CNN3: variants seen among roughly 807,000 people sequenced by gnomAD.
The protein encoded by CNN3 is calponin 3.
A neutral mutation model predicts 39.0 loss-of-function variants in CNN3; 11 were observed. The ratio of observed to expected loss-of-function variants is 0.28; its 90% CI spans 0.18 to 0.47. The LOEUF is 0.47. CNN3 is among the 20% of genes least tolerant of loss of function. CNN3 has a pLI of 0.99. For synonymous variants in CNN3, 101 were observed against 138.3 expected, an observed-to-expected ratio of 0.73 and a Z score of 1.89; for missense variants, 266 against 403.4, an observed-to-expected ratio of 0.66 and a Z score of 2.92.
chr1:94,917,115 C>T (rs12132647), intron 1 of CNN3, among the ~76,000 whole-genome samples: 11,402 of 152,272 alleles, frequency 0.075, 516 homozygotes, highest in Middle Eastern at 0.099. Context: ...TGGCTCACCG[C>T]AGCCTCTGCC....
intron 1 of CNN3, among the ~76,000 whole-genome samples, chr1:94,907,626 C>T (rs1671037974): frequency 6.6e-6 from 1 of 152,150 alleles, no homozygotes; most frequent in Non-Finnish European, 1.5e-5. Flanking sequence ...TCTGGGAGGC[C>T]AAGGTGGGCA....
chr1:94,925,730 G>A (rs1557918429), intron 1 of CNN3: 5 of 985,316 alleles, frequency 5.1e-6, no homozygotes, highest in Middle Eastern at 5.2e-4. Flanking sequence ...CGGACGGTGC[G>A]GTGGCAATCC....
At chr1:94,916,496 T>G (rs1671282450) in intron 1 of CNN3, among the ~76,000 whole-genome samples, 1 of 152,138 alleles carries the variant, frequency 6.6e-6, no homozygotes. Flanking sequence ...CTGTCTCCAG[T>G]CATCCTCTGG....
At chr1:94,907,024 A>T (rs933880880) in intron 1 of CNN3, among the ~76,000 whole-genome samples, 2 of 152,234 alleles carry the variant, frequency 1.3e-5, no homozygotes, top group Admixed American at 6.5e-5. Flanking sequence ...AGAAAAATCA[A>T]GCACTGGAGT....
In CNN3 at chr1:94,926,749, C is replaced by T. The variant is rs1571542025; in HGVS notation, c.57+89G>A. ...CCCTCTCCAGGAAAACGGTGAGCCA[C>T]AGCGCGAAGAGCAAACGAAGCACGG... On this transcript the variant is annotated intron_variant, in intron 1 of 6. Coordinates refer to ENST00000370206, the MANE Select transcript of CNN3 (RefSeq NM_001839.5). The surrounding 1 kb of genome is among the most constrained non-coding windows in gnomAD (Gnocchi z 4.2). The T allele has an allele frequency of 5.0e-6, 7 of 1,408,934 alleles. No homozygotes were observed. In the African/African-American group the frequency reaches 5.8e-5, roughly 12 times the overall value. The allele number at this position is 1,408,934 out of a possible 1,614,324, so 87.3% of individuals were successfully genotyped here. A position where few individuals can be genotyped will look rare whatever the true frequency, so the allele number is the denominator to read the frequency against.
chr1:94,925,880 C>A (rs572477449), intron 1 of CNN3: 8 of 932,526 alleles, frequency 8.6e-6, no homozygotes, highest in East Asian at 1.2e-4. Flanking sequence ...GTCTCTCCCC[C>A]CAGAAACCCC....
intron 1 of CNN3, among the ~76,000 whole-genome samples, chr1:94,925,372 G>C (rs1400080220): frequency 6.6e-6 from 1 of 152,214 alleles, no homozygotes; most frequent in Non-Finnish European, 1.5e-5. Context: ...ACAGTAACTT[G>C]TTACAAACTT....
At chr1:94,915,340 A>G (rs1671255320) in intron 1 of CNN3, among the ~76,000 whole-genome samples, 1 of 152,176 alleles carries the variant, frequency 6.6e-6, no homozygotes, top group South Asian at 2.1e-4. Context: ...CTTAAACACC[A>G]AGACAAAGAG....
chr1:94,903,287 T>TA, intron 2 of CNN3, 99 bp from the exon 3 acceptor site: 1 of 1,552,984 alleles, frequency 6.4e-7, no homozygotes, highest in Non-Finnish European at 8.7e-7. Context: ...GGGAAAGCAT[T>TA]AAAGATATCT....
chr1:94,902,615 T>C (rs1670897417), intron 3 of CNN3, among the ~76,000 whole-genome samples: 1 of 152,240 alleles, frequency 6.6e-6, no homozygotes, highest in South Asian at 2.1e-4. Flanking sequence ...AAATAATTCA[T>C]TATGTGTTAT....
chr1:94,926,942 C>A lies in CNN3; in HGVS notation c.-48G>T. 6.3e-7 allele frequency: 1 copy of A among 1,583,166 alleles called. No individual in the cohort carries two copies. The highest frequency in any genetic ancestry group is 8.6e-7 in the Non-Finnish European group (1 of 1,159,996). On this transcript the variant is annotated 5_prime_UTR_variant, in exon 1 of 7. Coordinates refer to ENST00000370206, the MANE Select transcript of CNN3 (RefSeq NM_001839.5). This position sits in a 1 kb window ranked among gnomAD's most constrained non-coding sequence, Gnocchi z 4.2. ...GACAGCGCTGGGGTCCGGGGTCTCT[C>A]GCACTTCGCTTCCCCGCTCCTGGCC...
chr1:94,915,806 C>T (rs1413012719), intron 1 of CNN3, among the ~76,000 whole-genome samples: 7 of 152,176 alleles, frequency 4.6e-5, no homozygotes. Context: ...GCTCTCTTCC[C>T]CATCGGACAT....
In CNN3 at chr1:94,897,797, T is replaced by TA. The variant is rs1557906066; in HGVS notation, c.934dup (p.Tyr312LeufsTer4). ...GTAATCTCTGGGGTAGTCATCCTGGTACTCGCCATGATACTCATCAGGGTA... is the reference window on the plus strand; with the variant it reads ...GTAATCTCTGGGGTAGTCATCCTGGTAACTCGCCATGATACTCATCAGGGTA... On this transcript the variant is annotated frameshift_variant, in exon 7 of 7. Transcript: ENST00000370206. LOFTEE classifies it high-confidence loss of function. 6 of 1,614,186 alleles carry TA rather than the reference T, an allele frequency of 3.7e-6. No individual in the cohort carries two copies. The highest frequency in any genetic ancestry group is 5.1e-6 in the Non-Finnish European group (6 of 1,180,012).
At chr1:94,923,829 G>A (rs894426289) in intron 1 of CNN3, among the ~76,000 whole-genome samples, 1 of 152,184 alleles carries the variant, frequency 6.6e-6, no homozygotes, top group Non-Finnish European at 1.5e-5. Context: ...TCACTGAGTT[G>A]AGTATAAGCC....
At chr1:94,907,140 A>G (rs534414880) in intron 1 of CNN3, among the ~76,000 whole-genome samples, 2 of 152,346 alleles carry the variant, frequency 1.3e-5, no homozygotes, top group Non-Finnish European at 2.9e-5. Context: ...CCACGTGCAC[A>G]GAAGAAATTC....
chr1:94,917,224 T>C (rs1453348879), intron 1 of CNN3, among the ~76,000 whole-genome samples: 1 of 152,196 alleles, frequency 6.6e-6, no homozygotes, highest in Non-Finnish European at 1.5e-5. Context: ...TTAGTAGAGA[T>C]GGGTTTTCTC....
intron 1 of CNN3, among the ~76,000 whole-genome samples, chr1:94,907,573 C>A (rs761628408): frequency 1.3e-5 from 2 of 152,194 alleles, no homozygotes; most frequent in Non-Finnish European, 2.9e-5. Context: ...AAAAATTACT[C>A]TTCCTGACAG....
chr1:94,904,913 G>A (rs1217057598), intron 1 of CNN3, among the ~76,000 whole-genome samples: 1 of 152,192 alleles, frequency 6.6e-6, no homozygotes, highest in African/African-American at 2.4e-5. Flanking sequence ...TGGGAATGAA[G>A]GTAGAAATGT....
intron 1 of CNN3, among the ~76,000 whole-genome samples, chr1:94,918,848 G>A (rs1473501684): frequency 1.3e-5 from 2 of 150,856 alleles, no homozygotes; most frequent in Non-Finnish European, 2.9e-5. Context: ...AGCCAAGATC[G>A]TGCCACTGTA....
Sources: gnomAD v4.1 joint callset for allele counts (sites outside exome capture counted in the v4.1 genomes callset) on GRCh38, gnomAD v4.1.1 for gene constraint, Gnocchi (gnomAD v3.1) non-coding constraint, MANE v1.5 for transcripts, NCBI Gene and HGNC (gene_info 2026-07-23, HGNC 2026-07-21) for gene names.